FAM135B: variants seen among roughly 807,000 people sequenced by gnomAD.
FAM135B encodes the protein protein FAM135B.
FAM135B carries 43 observed loss-of-function variants against 127.7 expected under a neutral mutation model. That is an observed-to-expected ratio of 0.34 (90% CI 0.26 to 0.43). The LOEUF is 0.43. FAM135B is among the 20% of genes least tolerant of loss of function. The probability of loss-of-function intolerance (pLI) is 1.00; values close to 1 mark genes in which losing one functional copy is unlikely to be tolerated. For missense variants in FAM135B, 1,558 were observed against 1,725.6 expected, an observed-to-expected ratio of 0.90 and a Z score of 1.72; for synonymous variants, 670 against 665.1, an observed-to-expected ratio of 1.01 and a Z score of -0.11.
chr8:138,171,035 C>T (rs1820390067), intron 11 of FAM135B, among the ~76,000 whole-genome samples: 1 of 152,178 alleles, frequency 6.6e-6, no homozygotes, highest in Non-Finnish European at 1.5e-5. Flanking sequence ...CTTTGGCCAC[C>T]ATCAGCTTCC....
intron 6 of FAM135B, 148 bp downstream of exon 6, chr8:138,250,693 C>T (rs1237304886): frequency 3.6e-6 from 3 of 826,996 alleles, no homozygotes. Flanking sequence ...CTCTCGCATG[C>T]TCCTCAGTGA....
chr8:138,380,319 T>G (rs2131281333), intron 1 of FAM135B, among the ~76,000 whole-genome samples: 1 of 152,166 alleles, frequency 6.6e-6, no homozygotes, highest in Middle Eastern at 3.4e-3. Context: ...TGCCTCAGCC[T>G]CTGAGTAACT....
chr8:138,332,234 T>C (rs1057411836), intron 2 of FAM135B, among the ~76,000 whole-genome samples: 7 of 152,280 alleles, frequency 4.6e-5, no homozygotes, highest in African/African-American at 1.7e-4. Context: ...GGTAAGGCTA[T>C]GTGGACACCC....
At chr8:138,230,833 T>C (rs1231903217) in intron 7 of FAM135B, among the ~76,000 whole-genome samples, 2 of 152,264 alleles carry the variant, frequency 1.3e-5, no homozygotes, top group South Asian at 4.1e-4. Context: ...AAGTTGGTAG[T>C]TTCCTTGACA....
chr8:138,327,135 C>A (rs1396115575), intron 2 of FAM135B, among the ~76,000 whole-genome samples: 1 of 152,092 alleles, frequency 6.6e-6, no homozygotes, highest in Non-Finnish European at 1.5e-5. Context: ...CTGATTGTTC[C>A]TGTTACCTTA....
At chr8:138,451,965 C>A (rs1836509451) in intron 1 of FAM135B, among the ~76,000 whole-genome samples, 1 of 152,032 alleles carries the variant, frequency 6.6e-6, no homozygotes, top group Non-Finnish European at 1.5e-5. Flanking sequence ...CTCCTTCATT[C>A]TTTTTCACCT....
At chr8:138,219,246 G>A (rs1340439372) in intron 7 of FAM135B, among the ~76,000 whole-genome samples, 1 of 152,190 alleles carries the variant, frequency 6.6e-6, no homozygotes, top group African/African-American at 2.4e-5. Flanking sequence ...GAAGTGGGGA[G>A]TTTCAAATAC....
chr8:138,337,366 C>G (rs1052869619), intron 2 of FAM135B, among the ~76,000 whole-genome samples: 1 of 152,054 alleles, frequency 6.6e-6, no homozygotes, highest in Non-Finnish European at 1.5e-5. Flanking sequence ...ACCCCACTGT[C>G]TCAGCCCAAA....
At chr8:138,216,804 A>G (rs1011742409) in intron 7 of FAM135B, among the ~76,000 whole-genome samples, 8 of 152,184 alleles carry the variant, frequency 5.3e-5, no homozygotes, top group African/African-American at 1.9e-4. Flanking sequence ...TCTTTGCAAT[A>G]AGCATATTCA....
intron 1 of FAM135B, among the ~76,000 whole-genome samples, chr8:138,394,858 A>T (rs528673037): frequency 6.6e-6 from 1 of 152,252 alleles, no homozygotes; most frequent in East Asian, 1.9e-4. Flanking sequence ...CACTCGAGTT[A>T]ATTGCCAGCT....
intron 1 of FAM135B, among the ~76,000 whole-genome samples, chr8:138,371,024 T>G (rs1831079400): frequency 6.6e-6 from 1 of 152,148 alleles, no homozygotes; most frequent in Non-Finnish European, 1.5e-5. Flanking sequence ...GGGATCTGTG[T>G]TTTCACAAGT....
At chr8:138,324,509 C>G (rs1451061568) in intron 2 of FAM135B, among the ~76,000 whole-genome samples, 4 of 152,112 alleles carry the variant, frequency 2.6e-5, no homozygotes, top group Non-Finnish European at 5.9e-5. Flanking sequence ...TTAAAAATAT[C>G]AAACCAGTGA....
rs150126015 is a variant in FAM135B at position 138,284,323 on chromosome 8, C to T, written c.158-18481G>A. Among the ~76,000 whole-genome samples, 472 of 152,220 alleles carry T rather than the reference C, an allele frequency of 3.1e-3. 2 individuals are homozygous for T. The highest frequency in any genetic ancestry group is 0.024 in the Middle Eastern group (7 of 294). ...CTCCTTGCCTCACTCCTGGACCACT[C>T]TGCCCAGTGGCCTTCCTTCTGCTCA... On this transcript the variant is annotated intron_variant, in intron 3 of 19. Coordinates refer to ENST00000395297, the MANE Select transcript of FAM135B (RefSeq NM_015912.4).
intron 1 of FAM135B, among the ~76,000 whole-genome samples, chr8:138,392,331 G>A (rs1344525739): frequency 6.6e-6 from 1 of 152,210 alleles, no homozygotes; most frequent in East Asian, 1.9e-4. Flanking sequence ...TTTGCTTCCT[G>A]TGAAGATAAT....
intron 1 of FAM135B, among the ~76,000 whole-genome samples, chr8:138,469,636 A>G (rs1837569645): frequency 6.6e-6 from 1 of 152,238 alleles, no homozygotes; most frequent in African/African-American, 2.4e-5. Context: ...GAGATTCCTC[A>G]ATTAATTATG....
intron 7 of FAM135B, among the ~76,000 whole-genome samples, chr8:138,217,579 C>T (rs1454463087): frequency 6.6e-6 from 1 of 151,810 alleles, no homozygotes; most frequent in South Asian, 2.1e-4. Context: ...TACAGGCGCC[C>T]ACCGCCACAC....
At position 138,339,931 on chromosome 8, in the gene FAM135B, TC is replaced by T. The variant is rs140972294; in HGVS notation, c.77+27975del. On this transcript the variant is annotated intron_variant, in intron 2 of 19. Transcript: ENST00000395297. ...GGGCTGTGCTTTATCCCCACCCCCA[TC>T]CGGTCCAGCCTGCAGTGGGCACAGC... Among the ~76,000 whole-genome samples, 171 of 152,212 alleles carry T rather than the reference TC, an allele frequency of 1.1e-3. 2 individuals are homozygous for T. The highest frequency in any genetic ancestry group is 3.9e-3 in the African/African-American group (164 of 41,542).
intron 12 of FAM135B, among the ~76,000 whole-genome samples, chr8:138,156,980 A>G (rs1391115899): frequency 2.0e-5 from 3 of 152,252 alleles, no homozygotes; most frequent in Non-Finnish European, 4.4e-5. Context: ...AAAGCCTGGC[A>G]GAGACACATC....
At chr8:138,272,845 T>C (rs2130687835) in intron 3 of FAM135B, among the ~76,000 whole-genome samples, 1 of 152,342 alleles carries the variant, frequency 6.6e-6, no homozygotes, top group South Asian at 2.1e-4. Flanking sequence ...ACCTCATGCT[T>C]GTGTAGGCAC....
Sources: allele counts gnomAD v4.1 joint callset (sites outside exome capture counted in the v4.1 genomes callset), GRCh38; gene constraint gnomAD v4.1.1; transcripts MANE v1.5; gene names NCBI Gene and HGNC (gene_info 2026-07-23, HGNC 2026-07-21).